NREP: variants seen among roughly 807,000 people sequenced by gnomAD.
NREP encodes the protein neuronal regeneration related protein.
Under a neutral mutation model 8.6 loss-of-function variants are expected in NREP, and 5 were observed. The observed-to-expected ratio is 0.58, with a 90% CI of 0.30 to 1.22. NREP has a LOEUF of 1.22. Among genes scored for constraint, NREP ranks in the 50% most tolerant of loss-of-function variants. NREP has a pLI of 0.07. For synonymous variants in NREP, 27 were observed against 28.0 expected, an observed-to-expected ratio of 0.96 and a Z score of 0.11; for missense variants, 86 against 82.5, an observed-to-expected ratio of 1.04 and a Z score of -0.17.
chr5:111,850,815 C>T (rs1222873016), intron 2 of NREP, among the ~76,000 whole-genome samples: 2 of 152,142 alleles, frequency 1.3e-5, no homozygotes, highest in East Asian at 3.9e-4. Flanking sequence ...TAGGTTTGAT[C>T]ACACCAGTTC....
chr5:111,751,708 C>A (rs1281075798), intron 2 of NREP, among the ~76,000 whole-genome samples: 2 of 152,062 alleles, frequency 1.3e-5, no homozygotes, highest in African/African-American at 2.4e-5. Flanking sequence ...TCTTGTATAA[C>A]ACGGGAATTA....
chr5:111,881,645 C>A (rs189704027), intron 2 of NREP, among the ~76,000 whole-genome samples: 2 of 152,262 alleles, frequency 1.3e-5, no homozygotes, highest in East Asian at 3.9e-4. Context: ...TCCAGAGGAA[C>A]GATCAGACAG....
At chr5:111,771,295 G>A (rs1036701417) in intron 2 of NREP, among the ~76,000 whole-genome samples, 1 of 152,106 alleles carries the variant, frequency 6.6e-6, no homozygotes, top group Non-Finnish European at 1.5e-5. Flanking sequence ...TTTGAGTTAG[G>A]CATTCGTTAA....
chr5:111,910,710 C>T (rs1254243237), intron 2 of NREP, among the ~76,000 whole-genome samples: 1 of 151,974 alleles, frequency 6.6e-6, no homozygotes, highest in Admixed American at 6.6e-5. Flanking sequence ...CAAAGCTCCC[C>T]CAGGACAGAA....
At chr5:111,960,071 TTTAA>T (rs1465282500) in intron 2 of NREP, among the ~76,000 whole-genome samples, 1 of 152,176 alleles carries the variant, frequency 6.6e-6, no homozygotes, top group Non-Finnish European at 1.5e-5. Flanking sequence ...AATTTGTTAA[TTTAA>T]TTTTTTAAAT....
At chr5:111,943,237 A>G (rs1230200747) in intron 2 of NREP, among the ~76,000 whole-genome samples, 2 of 152,048 alleles carry the variant, frequency 1.3e-5, no homozygotes, top group African/African-American at 4.8e-5. Flanking sequence ...TTGAGCATTC[A>G]TCAGGTGCCG....
intron 2 of NREP, among the ~76,000 whole-genome samples, chr5:111,777,671 A>G (rs948279102): frequency 1.3e-5 from 2 of 152,126 alleles, no homozygotes; most frequent in African/African-American, 2.4e-5. Context: ...AATGCTGTTT[A>G]TGTAACTTTG....
Position 111,862,798 on chromosome 5 carries a change from T to C in NREP, c.135+112476A>G, listed in dbSNP as rs200052467. On this transcript the variant is annotated intron_variant, in intron 2 of 3. Coordinates refer to the NREP transcript ENST00000395634. ...CCATGGCATTATTATTTGCTTATAA[T>C]TGTGGTAAGTATAGCAGAAGAAAAA... is the stretch of plus-strand genomic sequence containing the variant. Among the ~76,000 whole-genome samples, 82 of 151,696 alleles carry C rather than the reference T, an allele frequency of 5.4e-4. 1 individual carries two copies. The East Asian group carries it at 0.011, about 20-fold the overall frequency.
At chr5:111,873,254 G>A (rs1314324158) in intron 2 of NREP, among the ~76,000 whole-genome samples, 1 of 152,104 alleles carries the variant, frequency 6.6e-6, no homozygotes, top group African/African-American at 2.4e-5. Flanking sequence ...CATCAGAAAG[G>A]ACACAGAGAA....
intron 2 of NREP, among the ~76,000 whole-genome samples, chr5:111,852,739 A>G (rs1753340700): frequency 6.6e-6 from 1 of 152,084 alleles, no homozygotes; most frequent in South Asian, 2.1e-4. Flanking sequence ...CTGTGACTCA[A>G]TACAGTGTCA....
intron 2 of NREP, among the ~76,000 whole-genome samples, chr5:111,827,486 T>G (rs76419375): frequency 0.05 from 7,538 of 152,230 alleles, 641 homozygotes; most frequent in African/African-American, 0.17. Context: ...CCTCCAAGGT[T>G]ATGAGGTCAT....
intron 2 of NREP, among the ~76,000 whole-genome samples, chr5:111,769,916 G>A (rs1366882264): frequency 6.6e-6 from 1 of 152,152 alleles, no homozygotes; most frequent in Non-Finnish European, 1.5e-5. Context: ...TGGGGACACA[G>A]AGCCAAACGC....
rs575695572 is a variant in NREP at position 111,894,005 on chromosome 5, G to T, written c.135+81269C>A. On this transcript the variant is annotated intron_variant, in intron 2 of 3. Transcript: ENST00000395634. ...GGCCGACGCAGGCAGATCACTTGAG[G>T]TCAGGAGTTCAAGACTAGCCTGGCA... 1.7e-4 allele frequency among the ~76,000 whole-genome samples: 26 copies of T among 152,180 alleles called. No homozygotes were observed. The South Asian group carries it at 5.2e-3, about 30-fold the overall frequency.
At chr5:111,786,345 T>C (rs565381094) in intron 2 of NREP, among the ~76,000 whole-genome samples, 1 of 152,194 alleles carries the variant, frequency 6.6e-6, no homozygotes, top group Non-Finnish European at 1.5e-5. Flanking sequence ...CTTTCCTTTA[T>C]AAATTACCCA....
At chr5:111,945,172 C>G (rs1289233130) in intron 2 of NREP, among the ~76,000 whole-genome samples, 1 of 152,110 alleles carries the variant, frequency 6.6e-6, no homozygotes, top group Non-Finnish European at 1.5e-5. Flanking sequence ...TCTTATCATG[C>G]TATTTCCAAA....
intron 2 of NREP, among the ~76,000 whole-genome samples, chr5:111,877,205 C>T (rs1753930042): frequency 6.6e-6 from 1 of 152,172 alleles, no homozygotes. Context: ...ACATATCTCT[C>T]AATCTTTCCT....
chr5:111,756,312 A>AAAAAAAT, intron 1 of NREP: 1 of 99,466 alleles, frequency 1.0e-5, no homozygotes, highest in Non-Finnish European at 1.6e-5. Context: ...AAAAAAAAAA[A>AAAAAAAT]CCCTACACGG....
chr5:111,870,864 T>G (rs938292086), intron 2 of NREP, among the ~76,000 whole-genome samples: 2 of 145,880 alleles, frequency 1.4e-5, no homozygotes, highest in African/African-American at 4.9e-5. Flanking sequence ...TACCCAGAGT[T>G]TTATAGGAAG....
chr5:111,763,056 G>C (rs1172761050), intron 2 of NREP, among the ~76,000 whole-genome samples: 2 of 152,168 alleles, frequency 1.3e-5, no homozygotes, highest in Non-Finnish European at 2.9e-5. Context: ...ATAAGGGAAA[G>C]GAAACCGATT....
Sources: gnomAD v4.1 joint callset for allele counts (sites outside exome capture counted in the v4.1 genomes callset) on GRCh38, gnomAD v4.1.1 for gene constraint, MANE v1.5 for transcripts, NCBI Gene and HGNC (gene_info 2026-07-23, HGNC 2026-07-21) for gene names.